The following SPG11 variants were observed in gnomAD, a reference collection of about 807,000 sequenced individuals.
SPG11 encodes the protein SPG11 vesicle trafficking associated, spatacsin, also known as spatacsin.
Under a neutral mutation model 274.0 loss-of-function variants are expected in SPG11, and 222 were observed. That is an observed-to-expected ratio of 0.81 (90% CI 0.73 to 0.91). The LOEUF (loss-of-function observed/expected upper bound fraction) is 0.91. SPG11 is among the 40% of genes least tolerant of loss of function. The pLI, the probability that SPG11 is intolerant of heterozygous loss-of-function variation, is 0.00. For synonymous variants in SPG11, 1,144 were observed against 1,039.7 expected, an observed-to-expected ratio of 1.10 and a Z score of -1.93; for missense variants, 3,114 against 2,872.7, an observed-to-expected ratio of 1.08 and a Z score of -1.92.
rs2082299211 is a variant in SPG11 at position 44,565,949 on chromosome 15, T to C, written c.6904A>G (p.Ile2302Val). Residue 2302 changes from isoleucine to valine, a missense_variant, in exon 38 of 40, where the codon ATT becomes GTT. Coordinates refer to ENST00000261866, the MANE Select transcript of SPG11 (RefSeq NM_025137.4). ...QRLTKLITLQ[I>V]HFLNTGQNTM... Reference sequence around the variant, plus strand: ...TTCTGGCCAGTGTTCAGAAAGTGAATCTGCAGAGTTATCAACTTGGTGAGC... The same window carrying C: ...TTCTGGCCAGTGTTCAGAAAGTGAACCTGCAGAGTTATCAACTTGGTGAGC... 7.4e-6 allele frequency: 12 copies of C among 1,613,844 alleles called. No homozygotes were observed. The highest frequency in any genetic ancestry group is 1.0e-5 in the Non-Finnish European group (12 of 1,180,010).
In SPG11 at chr15:44,654,149, T is replaced by C. The variant is rs527550928; in HGVS notation, c.870-1883A>G. On this transcript the variant is annotated intron_variant, in intron 4 of 39. Transcript: ENST00000261866. ...TAGAAATATTTTTTAAAATAAAGATTAAGTCAGGTATGTCATGAATGCATA... is the reference window on the plus strand; with the variant it reads ...TAGAAATATTTTTTAAAATAAAGATCAAGTCAGGTATGTCATGAATGCATA... Among the ~76,000 whole-genome samples the C allele has an allele frequency of 7.6e-4, 116 of 152,238 alleles. 1 individual carries two copies. Among genetic ancestry groups the C allele is most frequent in the African/African-American group, 2.7e-3 (111 of 41,534 alleles).
chr15:44,575,834 C>A (rs2082523744), intron 30 of SPG11, among the ~76,000 whole-genome samples: 3 of 152,158 alleles, frequency 2.0e-5, no homozygotes, highest in African/African-American at 7.2e-5. Context: ...AAAATCTATT[C>A]CTGATTTTTT....
intron 3 of SPG11, among the ~76,000 whole-genome samples, chr15:44,658,220 T>C (rs1398258476): frequency 6.6e-6 from 1 of 152,150 alleles, no homozygotes; most frequent in East Asian, 1.9e-4. Flanking sequence ...TATTACAAAA[T>C]ATAAAAACCA....
intron 7 of SPG11, among the ~76,000 whole-genome samples, chr15:44,638,262 G>A (rs994881728): frequency 2.6e-5 from 4 of 152,094 alleles, no homozygotes; most frequent in African/African-American, 2.4e-5. Context: ...GGGAGTTCAA[G>A]AGCAGCCTGC....
At chr15:44,634,380 T>C (rs1481614301) in intron 7 of SPG11, among the ~76,000 whole-genome samples, 1 of 151,926 alleles carries the variant, frequency 6.6e-6, no homozygotes, top group East Asian at 1.9e-4. Context: ...GCTTAAGTGA[T>C]TCTCGTGCCT....
intron 3 of SPG11, among the ~76,000 whole-genome samples, chr15:44,657,887 C>A (rs1313953865): frequency 6.6e-6 from 1 of 152,178 alleles, no homozygotes; most frequent in Non-Finnish European, 1.5e-5. Flanking sequence ...ATTAGCTGGG[C>A]GTGGCGGCCC....
At chr15:44,605,800 G>T (rs2083303511) in intron 20 of SPG11, among the ~76,000 whole-genome samples, 1 of 152,166 alleles carries the variant, frequency 6.6e-6, no homozygotes, top group African/African-American at 2.4e-5. Flanking sequence ...TAAGCAAATA[G>T]TTACACATTA....
At chr15:44,573,513 CAG>C (rs556931633) in intron 32 of SPG11, 32 bp downstream of exon 32, 20 of 1,610,886 alleles carry the variant, frequency 1.2e-5, no homozygotes, top group Middle Eastern at 1.6e-4. Flanking sequence ...AGAATGCTGT[CAG>C]AGAGGTTGGG....
Position 44,566,286 on chromosome 15 carries a change from C to T in SPG11, c.6774G>A (p.Gly2258=). 1 of 1,614,142 alleles carries T rather than the reference C, an allele frequency of 6.2e-7. No homozygotes were observed. Among genetic ancestry groups the T allele is most frequent in the East Asian group, 2.2e-5 (1 of 44,882 alleles). The part of the protein sequence containing the change: ...SQPWEDSLKD[G]HQLKQLLLKA... ...TCAGCAGCAGTTGTTTCAGCTGGTG[C>T]CCATCCTTGAGGCTGTCCTCTGTAG... The change falls in exon 37 of 40, where the codon GGG becomes GGA. Residue 2258 remains glycine, a synonymous_variant. Transcript: ENST00000261866.
chr15:44,603,053 ATTTTTT>A (rs988355401), intron 20 of SPG11, among the ~76,000 whole-genome samples: 2 of 131,290 alleles, frequency 1.5e-5, no homozygotes, highest in Non-Finnish European at 3.3e-5. Flanking sequence ...CCAACAGGCA[ATTTTTT>A]TTTTTTTTTT....
intron 7 of SPG11, among the ~76,000 whole-genome samples, chr15:44,637,725 A>G (rs960092790): frequency 1.3e-5 from 2 of 152,240 alleles, no homozygotes; most frequent in Non-Finnish European, 2.9e-5. Flanking sequence ...GGTGGTTCCC[A>G]TAAGATTATC....
intron 7 of SPG11, among the ~76,000 whole-genome samples, chr15:44,641,622 CACACACACACAA>C (rs901744247): frequency 2.0e-5 from 3 of 150,314 alleles, no homozygotes; most frequent in Non-Finnish European, 1.5e-5. Context: ...CACACACACA[CACACACACACAA>C]AACCTTAATC....
At chr15:44,578,296 G>A (rs1162802384) in intron 30 of SPG11, among the ~76,000 whole-genome samples, 2 of 151,392 alleles carry the variant, frequency 1.3e-5, no homozygotes, top group Non-Finnish European at 2.9e-5. Flanking sequence ...CTCCCAAAGT[G>A]CTGGGATTAC....
In SPG11 at chr15:44,659,292, A is replaced by G. The variant is rs762866477; in HGVS notation, c.454T>C (p.Leu152=). 22 of 1,612,560 alleles carry G rather than the reference A, an allele frequency of 1.4e-5. No homozygotes were observed. Among genetic ancestry groups the G allele is most frequent in the Non-Finnish European group, 1.8e-5 (21 of 1,178,658 alleles). Residue 152 remains leucine, a synonymous_variant, in exon 3 of 40, where the codon TTG becomes CTG. Coordinates refer to ENST00000261866, the MANE Select transcript of SPG11 (RefSeq NM_025137.4). ...TGAAATGACAGGATTCTCAAAGACA[A>G]TAAGGAAATACCTACAAAACAAAAG... ...IDDQDISISL[L]SLRILSFHNN...
At chr15:44,654,242 G>A (rs1039709398) in intron 4 of SPG11, among the ~76,000 whole-genome samples, 3 of 151,896 alleles carry the variant, frequency 2.0e-5, no homozygotes, top group African/African-American at 7.3e-5. Flanking sequence ...GGGCACAGTG[G>A]CTCATGTCTG....
At chr15:44,647,141 A>C (rs2084633339) in intron 7 of SPG11, among the ~76,000 whole-genome samples, 1 of 152,232 alleles carries the variant, frequency 6.6e-6, no homozygotes, top group South Asian at 2.1e-4. Context: ...CAAAGACGAC[A>C]CACAAATAGC....
At chr15:44,647,462 A>G (rs182038052) in intron 7 of SPG11, among the ~76,000 whole-genome samples, 49 of 152,356 alleles carry the variant, frequency 3.2e-4, no homozygotes, top group African/African-American at 1.2e-3. Flanking sequence ...AAACTTGTAC[A>G]CAAATGTCCA....
chr15:44,621,596 G>C, intron 14 of SPG11, 163 bp downstream of exon 14: 1 of 686,712 alleles, frequency 1.5e-6, no homozygotes, highest in Non-Finnish European at 2.5e-6. Flanking sequence ...CAGAAACTCT[G>C]AGATAAGAAA....
rs117363751 is a variant in SPG11 at position 44,563,911 on chromosome 15, A to C, written c.7152-610T>G. Among the ~76,000 whole-genome samples the C allele has an allele frequency of 6.8e-3, 1,031 of 152,354 alleles. 12 individuals carry two copies. The highest frequency in any genetic ancestry group is 0.01 in the Non-Finnish European group (690 of 68,036). On this transcript the variant is annotated intron_variant, in intron 39 of 39. Transcript: ENST00000261866. ...ACTAGTATTAGGGGTGCTTGATAAA[A>C]TATTTCTTTAAAAATGAGTATGTTA...
Sources: allele counts gnomAD v4.1 joint callset (sites outside exome capture counted in the v4.1 genomes callset), GRCh38; gene constraint gnomAD v4.1.1; transcripts MANE v1.5; gene names NCBI Gene and HGNC (gene_info 2026-07-23, HGNC 2026-07-21).